The following ACVRL1 variants were observed in gnomAD, a reference collection of about 807,000 sequenced individuals.
The protein encoded by ACVRL1 is activin receptor type-1-like.
ACVRL1 carries 20 observed loss-of-function variants against 51.9 expected under a neutral mutation model. The observed-to-expected ratio is 0.39, with a 90% confidence interval of 0.27 to 0.56. The LOEUF (loss-of-function observed/expected upper bound fraction) is 0.56, where lower values mean the gene tolerates loss of function less well. Ranked by LOEUF, ACVRL1 falls within the 20% of genes least tolerant of loss-of-function variation. The pLI is 0.67. For missense variants in ACVRL1, 451 were observed against 670.3 expected, an observed-to-expected ratio of 0.67 and a Z score of 3.61; for synonymous variants, 288 against 280.9, an observed-to-expected ratio of 1.03 and a Z score of -0.25.
At position 51,920,939 on chromosome 12, in the gene ACVRL1, T is replaced by TGGGGGGCGGGGGGGGGGGGGGGGGGGG; in HGVS notation, c.*53_*54insGGGGGGGGGGGGGGGGGGGGGGGGGGC. On this transcript the variant is annotated 3_prime_UTR_variant, in exon 10 of 10. Transcript: ENST00000388922. ...TTCTGCCTGCAGGGGGCTGGGGGGG[T>TGGGGGGCGGGGGGGGGGGGGGGGGGGG]GGGGGGCAGTGGATGGTGCCCTATC... 7.6e-6 allele frequency: 2 copies of TGGGGGGCGGGGGGGGGGGGGGGGGGGG among 262,672 alleles called. No individual in the cohort carries two copies. Among genetic ancestry groups the TGGGGGGCGGGGGGGGGGGGGGGGGGGG allele is most frequent in the Admixed American group, 4.4e-5 (1 of 22,636 alleles). The allele number at this position is 262,672 out of a possible 1,614,324, so 16.3% of individuals were successfully genotyped here. A position where few individuals can be genotyped will look rare whatever the true frequency, so the allele number is the denominator to read the frequency against.
intron 9 of ACVRL1, chr12:51,919,429 C>T (rs541316803): frequency 4.8e-6 from 2 of 419,042 alleles, no homozygotes; most frequent in African/African-American, 2.1e-5. Context: ...TTTGTTTGCT[C>T]TTGTCACCCA....
At position 51,920,748 on chromosome 12, in the gene ACVRL1, C is replaced by T. The variant is rs200086398; in HGVS notation, c.1378-11C>T. ...GCCTCCTCTCCTCTGCACCTCTCTC[C>T]CAACCCCCAGGTCCTCTCAGGCCTA... On this transcript the variant is annotated splice_polypyrimidine_tract_variant and intron_variant, in intron 9 of 9. Coordinates refer to ENST00000388922, the MANE Select transcript of ACVRL1 (RefSeq NM_000020.3). 68 of 1,613,506 alleles carry T rather than the reference C, an allele frequency of 4.2e-5. No homozygotes were observed. The African/African-American group carries it at 7.2e-4, about 17-fold the overall frequency.
At chr12:51,912,134 C>T (rs1420363330) in intron 1 of ACVRL1, among the ~76,000 whole-genome samples, 2 of 152,142 alleles carry the variant, frequency 1.3e-5, no homozygotes, top group African/African-American at 4.8e-5. Flanking sequence ...GAGAGATGCT[C>T]CTTCTACCCC....
rs371005117 is a variant in ACVRL1 at position 51,916,051 on chromosome 12, A to C, written c.1064A>C (p.His355Pro). Residue 355 changes from histidine (H) to proline (P), a missense_variant, in exon 8 of 10, where the codon CAC becomes CCC. His to Pro is a moderately conservative substitution (Grantham distance 77). Coordinates refer to ENST00000388922, the MANE Select transcript of ACVRL1 (RefSeq NM_000020.3). ...CIADLGLAVM[H>P]SQGSDYLDIG... ...ACCCCCACAGGCCTGGCTGTGATGCACTCACAGGGCAGCGATTACCTGGAC... is the reference window on the plus strand; with the variant it reads ...ACCCCCACAGGCCTGGCTGTGATGCCCTCACAGGGCAGCGATTACCTGGAC... The C allele has an allele frequency of 4.4e-5, 71 of 1,612,642 alleles. No individual in the cohort carries two copies. Among genetic ancestry groups the C allele is most frequent in the Non-Finnish European group, 6.0e-5 (71 of 1,179,170 alleles).
intron 1 of ACVRL1, among the ~76,000 whole-genome samples, chr12:51,912,017 G>A (rs1055589704): frequency 6.6e-6 from 1 of 152,180 alleles, no homozygotes; most frequent in African/African-American, 2.4e-5. Flanking sequence ...ACAGGAGCCT[G>A]TTTATGTTTG....
chr12:51,915,556 C>G, intron 7 of ACVRL1, 56 bp downstream of exon 7: 2 of 1,559,472 alleles, frequency 1.3e-6, no homozygotes, highest in Non-Finnish European at 1.7e-6. Flanking sequence ...CTTGTGCGCT[C>G]TCCTCTCCTT....
At position 51,922,725 on chromosome 12, in the gene ACVRL1, C is replaced by T. The variant is rs1339561172; in HGVS notation, c.*1832C>T. On this transcript the variant is annotated 3_prime_UTR_variant, in exon 10 of 10. Coordinates refer to ENST00000388922, the MANE Select transcript of ACVRL1 (RefSeq NM_000020.3). ...CAGCCCCAAGGTTGGGAAGACCTGG[C>T]CTTAGTCGTCCTCAGCCTAGGGGCA... 3 of 152,192 alleles carry T rather than the reference C, an allele frequency of 2.0e-5. No homozygotes were observed. Among genetic ancestry groups the T allele is most frequent in the African/African-American group, 4.8e-5 (2 of 41,418 alleles). 9.4% of individuals were successfully genotyped at this position (152,192 alleles called of 1,614,324 possible). A position where few individuals can be genotyped will look rare whatever the true frequency, so the allele number is the denominator to read the frequency against.
chr12:51,921,213 G>A lies in ACVRL1; in HGVS notation c.*320G>A, dbSNP rs759294296. Reference sequence around the variant, plus strand: ...TCCAGAGTCAGAGTGCCAAGCCAGGGAATCCCAGTCCCAGACTCAGAGCCC... The same window carrying A: ...TCCAGAGTCAGAGTGCCAAGCCAGGAAATCCCAGTCCCAGACTCAGAGCCC... On this transcript the variant is annotated 3_prime_UTR_variant, in exon 10 of 10. Coordinates refer to ENST00000388922, the MANE Select transcript of ACVRL1 (RefSeq NM_000020.3). 2 of 390,018 alleles carry A rather than the reference G, an allele frequency of 5.1e-6. No individual in the cohort carries two copies. Among genetic ancestry groups the A allele is most frequent in the Admixed American group, 3.7e-5 (1 of 27,392 alleles). The allele number at this position is 390,018 out of a possible 1,614,324, so 24.2% of individuals were successfully genotyped here. A position where few individuals can be genotyped will look rare whatever the true frequency, so the allele number is the denominator to read the frequency against.
In ACVRL1 at chr12:51,913,553, C is replaced by G; in HGVS notation, c.314-6C>G. ...GAAGCTGAGCCTCAGTGTCCCCCTCCCTCAGCCACCCAACCTCCTTCGGAG... is the reference window on the plus strand; with the variant it reads ...GAAGCTGAGCCTCAGTGTCCCCCTCGCTCAGCCACCCAACCTCCTTCGGAG... On this transcript the variant is annotated splice_region_variant and splice_polypyrimidine_tract_variant and intron_variant, in intron 3 of 9. Coordinates refer to ENST00000388922, the MANE Select transcript of ACVRL1 (RefSeq NM_000020.3). 1.3e-6 allele frequency: 2 copies of G among 1,595,786 alleles called. No individual in the cohort carries two copies. Among genetic ancestry groups the G allele is most frequent in the South Asian group, 2.2e-5 (2 of 90,392 alleles).
At chr12:51,912,595 C>T (rs1423165255) in intron 2 of ACVRL1, 60 bp downstream of exon 2, 1 of 1,410,850 alleles carries the variant, frequency 7.1e-7, no homozygotes, top group African/African-American at 1.4e-5. Context: ...GCTATCTGGG[C>T]CCAGATCAGC....
rs1439925774 is a variant in ACVRL1, at chr12:51,917,517, C to T, written c.1246+1284C>T. Among the ~76,000 whole-genome samples the T allele has an allele frequency of 1.3e-5, 2 of 152,126 alleles. No individual in the cohort carries two copies. The highest frequency in any genetic ancestry group is 4.8e-5 in the African/African-American group (2 of 41,420). ...TCCATGGTGAGGGACTTCCAGGAGT[C>T]GTGACAGGTTGGGGACAATCCTCAG... On this transcript the variant is annotated intron_variant, in intron 8 of 9. Coordinates refer to ENST00000388922, the MANE Select transcript of ACVRL1 (RefSeq NM_000020.3). This position sits in a 1 kb window ranked among gnomAD's most constrained non-coding sequence, Gnocchi z 4.2.
At chr12:51,914,193 C>T in intron 5 of ACVRL1, 120 bp downstream of exon 5, 1 of 940,942 alleles carries the variant, frequency 1.1e-6, no homozygotes, top group Admixed American at 2.3e-5. Context: ...AATTGGAATT[C>T]TGCTGGGCAG....
chr12:51,914,493 C>T lies in ACVRL1; in HGVS notation c.680C>T (p.Ala227Val). Residue 227 changes from alanine (A) to valine (V), a missense_variant, in exon 6 of 10, where the codon GCC becomes GTC. Coordinates refer to ENST00000388922, the MANE Select transcript of ACVRL1 (RefSeq NM_000020.3). ...WRGLWHGESVAVKIFSSRDEQ... is the reference protein window; with the variant it reads ...WRGLWHGESVVVKIFSSRDEQ... Reference sequence around the variant, plus strand: ...GGCTTGTGGCACGGTGAGAGTGTGGCCGTCAAGATCTTCTCCTCGAGGGAT... The same window carrying T: ...GGCTTGTGGCACGGTGAGAGTGTGGTCGTCAAGATCTTCTCCTCGAGGGAT... 1 of 1,614,124 alleles carries T rather than the reference C, an allele frequency of 6.2e-7. No homozygotes were observed. Among genetic ancestry groups the T allele is most frequent in the South Asian group, 1.1e-5 (1 of 91,082 alleles).
At chr12:51,907,177 G>T (rs140213364), upstream of ACVRL1, among the ~76,000 whole-genome samples, 828 of 152,140 alleles carry the variant, frequency 5.4e-3, 5 homozygotes, top group African/African-American at 0.019. The surrounding 1 kb of genome is among the most constrained non-coding windows in gnomAD (Gnocchi z 4.5). Context: ...ACGGCTGTGG[G>T]TCCGGACCCC....
In ACVRL1 at chr12:51,914,374, TG is replaced by T. The variant is rs864622702; in HGVS notation, c.626-59del. The stretch of plus-strand genomic sequence containing the variant: ...CGAGGGAGGCAGCGCAGCATCAAGA[TG>T]GGGGGCTCTTCCAGGGCTCTGTGTG... On this transcript the variant is annotated intron_variant, in intron 5 of 9. Transcript: ENST00000388922. The T allele has an allele frequency of 0.017, 27,458 of 1,608,886 alleles. 258 individuals are homozygous for T. The highest frequency in any genetic ancestry group is 0.021 in the Non-Finnish European group (24,194 of 1,176,532).
At chr12:51,916,332 G>C in intron 8 of ACVRL1, 99 bp downstream of exon 8, 1 of 1,323,562 alleles carries the variant, frequency 7.6e-7, no homozygotes, top group Non-Finnish European at 1.0e-6. Context: ...GAGGTTTGCA[G>C]TCAGACCTCC....
intron 2 of ACVRL1, 95 bp from the exon 3 acceptor site, chr12:51,913,004 G>C (rs745712265): frequency 6.9e-5 from 104 of 1,503,068 alleles, no homozygotes; most frequent in Non-Finnish European, 8.6e-5. Context: ...TTGTCTGAGG[G>C]GTCAGACGAG....
At chr12:51,914,328 G>A in intron 5 of ACVRL1, 111 bp from the exon 6 acceptor site, 2 of 1,496,738 alleles carry the variant, frequency 1.3e-6, no homozygotes, top group Non-Finnish European at 1.8e-6. Context: ...TAAGGGTCTG[G>A]GGTTCTGTGG....
chr12:51,922,645 G>A lies in ACVRL1; in HGVS notation c.*1752G>A, dbSNP rs1397376227. On this transcript the variant is annotated 3_prime_UTR_variant, in exon 10 of 10. Transcript: ENST00000388922. ...GTGGGCTGCAGGGAAGTGGATTGGA[G>A]GGGAGCTTGAGGAATATAAGGAGCG... 2 of 152,516 alleles carry A rather than the reference G, an allele frequency of 1.3e-5. No homozygotes were observed. Among genetic ancestry groups the A allele is most frequent in the Non-Finnish European group, 1.5e-5 (1 of 68,208 alleles). 9.4% of individuals were successfully genotyped at this position (152,516 alleles called of 1,614,324 possible). A position where few individuals can be genotyped will look rare whatever the true frequency, so the allele number is the denominator to read the frequency against.
Sources: gnomAD v4.1 joint callset for allele counts (sites outside exome capture counted in the v4.1 genomes callset) on GRCh38, gnomAD v4.1.1 for gene constraint, Gnocchi (gnomAD v3.1) non-coding constraint, MANE v1.5 for transcripts, NCBI Gene and HGNC (gene_info 2026-07-23, HGNC 2026-07-21) for gene names.